UBOX5: variants seen among roughly 807,000 people sequenced by gnomAD.
UBOX5 encodes RING finger protein 37.
UBOX5 carries 28 observed loss-of-function variants against 39.0 expected under a neutral mutation model. The ratio of observed to expected loss-of-function variants is 0.72; its 90% CI spans 0.53 to 0.98. The LOEUF is 0.98. Among genes scored for constraint, UBOX5 ranks in the 50% least tolerant of loss-of-function variants. The pLI is 0.00. For missense variants in UBOX5, 585 were observed against 674.4 expected (o/e 0.87, Z 1.47); for synonymous variants, 283 against 275.5 (o/e 1.03, Z -0.27).
At chr20:3,128,503 G>C (rs544912145) in intron 1 of UBOX5, among the ~76,000 whole-genome samples, 2 of 152,286 alleles carry the variant, frequency 1.3e-5, no homozygotes, top group Non-Finnish European at 2.9e-5. Flanking sequence ...CCTGGGACTT[G>C]AGAGGGTTTT....
intron 1 of UBOX5, among the ~76,000 whole-genome samples, chr20:3,133,570 GAATAT>G (rs1203078589): frequency 1.3e-5 from 2 of 151,448 alleles, no homozygotes; most frequent in Non-Finnish European, 2.9e-5. Flanking sequence ...AAAAAAAAAA[GAATAT>G]AAAATAGTAG....
At chr20:3,126,054 C>T (rs1158899225) in intron 1 of UBOX5, among the ~76,000 whole-genome samples, 3 of 152,132 alleles carry the variant, frequency 2.0e-5, no homozygotes, top group Admixed American at 2.0e-4. Context: ...ATGACAATGG[C>T]GGTTTTGTCG....
At chr20:3,146,682 C>T (rs1373683600) in intron 1 of UBOX5, 19 of 1,431,760 alleles carry the variant, frequency 1.3e-5, no homozygotes, top group African/African-American at 5.7e-5. Context: ...ACTATTTTAT[C>T]GCCAAACTTA....
At chr20:3,112,461 C>A (rs1470212829) in intron 4 of UBOX5, among the ~76,000 whole-genome samples, 2 of 149,536 alleles carry the variant, frequency 1.3e-5, no homozygotes, top group African/African-American at 2.5e-5. Context: ...AAGGAAAAGA[C>A]AATTATTGTG....
intron 3 of UBOX5, among the ~76,000 whole-genome samples, chr20:3,120,520 C>T (rs1013968257): frequency 2.0e-5 from 3 of 149,600 alleles, no homozygotes; most frequent in African/African-American, 7.4e-5. Context: ...TGGTGGCGGG[C>T]GCCTAATCCC....
intron 2 of UBOX5, among the ~76,000 whole-genome samples, chr20:3,122,928 CA>C (rs55709925): frequency 1.4e-4 from 19 of 139,724 alleles, no homozygotes; most frequent in South Asian, 2.3e-4. Context: ...TTTTCCCTGC[CA>C]AAAAAAAAAG....
At chr20:3,133,113 T>C (rs1053431879) in intron 1 of UBOX5, among the ~76,000 whole-genome samples, 1 of 152,170 alleles carries the variant, frequency 6.6e-6, no homozygotes, top group African/African-American at 2.4e-5. Flanking sequence ...TAAAAATATC[T>C]TACAAATGAT....
intron 4 of UBOX5, chr20:3,110,679 G>GC: frequency 3.4e-6 from 1 of 296,266 alleles, no homozygotes; most frequent in Non-Finnish European, 6.6e-6. Context: ...AAGATAAACT[G>GC]CAAGAAATGT....
intron 4 of UBOX5, chr20:3,110,539 G>A (rs1199192892): frequency 2.8e-5 from 16 of 564,636 alleles, no homozygotes; most frequent in South Asian, 6.1e-5. Flanking sequence ...GTGCCTCTAC[G>A]AATGCTTGAG....
At chr20:3,145,846 G>A (rs1246523550) in intron 1 of UBOX5, among the ~76,000 whole-genome samples, 2 of 152,132 alleles carry the variant, frequency 1.3e-5, no homozygotes, top group Non-Finnish European at 2.9e-5. Flanking sequence ...AGGAGTGTGA[G>A]ACCAGCCTGA....
chr20:3,114,532 T>C (rs2066278422), intron 4 of UBOX5, among the ~76,000 whole-genome samples: 1 of 152,160 alleles, frequency 6.6e-6, no homozygotes, highest in Non-Finnish European at 1.5e-5. Context: ...GCCACTGCTC[T>C]TTCTAAGACA....
At chr20:3,159,403 T>C (rs547704412) in intron 1 of UBOX5, among the ~76,000 whole-genome samples, 1 of 152,284 alleles carries the variant, frequency 6.6e-6, no homozygotes, top group African/African-American at 2.4e-5. Context: ...TCAGAATCTC[T>C]AAGCGATTCG....
intron 1 of UBOX5, among the ~76,000 whole-genome samples, chr20:3,134,993 A>G (rs2066458719): frequency 6.6e-6 from 1 of 152,224 alleles, no homozygotes; most frequent in Non-Finnish European, 1.5e-5. Flanking sequence ...AATGGGTTAA[A>G]GAAAAGAAAT....
At chr20:3,151,775 A>G (rs1425104090) in intron 1 of UBOX5, 1 of 152,148 alleles carries the variant, frequency 6.6e-6, no homozygotes, top group Non-Finnish European at 1.5e-5. Flanking sequence ...AGGAAATCCA[A>G]TTAATACTAC....
rs147125058 is a variant in UBOX5 at position 3,146,795 on chromosome 20, A to G, written c.-42+12971T>C. 1,098 of 1,613,884 alleles carry G rather than the reference A, an allele frequency of 6.8e-4. 1 individual carries two copies. Among genetic ancestry groups the G allele is most frequent in the Non-Finnish European group, 9.0e-4 (1,066 of 1,179,928 alleles). Reference sequence around the variant, plus strand: ...TGCCCTTCAGAGAGCAGAGGTGAATACTTTCTCATGAAGAAACGCCAACTT... The same window carrying G: ...TGCCCTTCAGAGAGCAGAGGTGAATGCTTTCTCATGAAGAAACGCCAACTT... On this transcript the variant is annotated intron_variant, in intron 1 of 4. Transcript: ENST00000217173.
rs765108881 is a variant in UBOX5 at position 3,115,398 on chromosome 20, T to C, written c.1324A>G (p.Met442Val). The C allele has an allele frequency of 6.2e-6, 10 of 1,614,064 alleles. No individual in the cohort carries two copies. Among genetic ancestry groups the C allele is most frequent in the African/African-American group, 4.0e-5 (3 of 74,930 alleles). ...EIALASTLGS[M>V]PSFTARLTRG... ...GTCAGCCGTGCCGTGAAGGAGGGCA[T>C]AGAGCCAAGGGTGGATGCCAAGGCA... The change falls in exon 4 of 5, where the codon ATG becomes GTG. Residue 442 changes from methionine (M) to valine (V), a missense_variant. Physicochemically the swap from Met to Val is conservative, Grantham distance 21. Coordinates refer to ENST00000217173, the MANE Select transcript of UBOX5 (RefSeq NM_014948.4).
In UBOX5 at chr20:3,115,333, G is replaced by T; in HGVS notation, c.1389C>A (p.Asn463Lys). Residue 463 changes from asparagine to lysine, a missense_variant, in exon 4 of 5, where the codon AAC becomes AAA. Transcript: ENST00000217173. ...AGCCGGTGCCAGGCCTCCAGGAAGTGTTGCTCCCTCTTGTGCCAAGGTGCT... is the reference window on the plus strand; with the variant it reads ...AGCCGGTGCCAGGCCTCCAGGAAGTTTTGCTCCCTCTTGTGCCAAGGTGCT... ...QLQHLGTRGS[N>K]TSWRPGTGSE... The T allele has an allele frequency of 6.2e-7, 1 of 1,613,280 alleles. No homozygotes were observed. The highest frequency in any genetic ancestry group is 8.5e-7 in the Non-Finnish European group (1 of 1,179,616).
At chr20:3,141,251 T>A (rs2066515548) in intron 1 of UBOX5, among the ~76,000 whole-genome samples, 2 of 152,040 alleles carry the variant, frequency 1.3e-5, no homozygotes, top group Admixed American at 1.3e-4. Context: ...AAATAAAGAA[T>A]GTTCACTTAA....
chr20:3,139,106 G>A (rs1230544039), intron 1 of UBOX5, among the ~76,000 whole-genome samples: 1 of 152,158 alleles, frequency 6.6e-6, no homozygotes, highest in East Asian at 1.9e-4. Context: ...TTAAAGAAGT[G>A]CACTACTTCT....
Sources: allele counts gnomAD v4.1 joint callset (sites outside exome capture counted in the v4.1 genomes callset), GRCh38; gene constraint gnomAD v4.1.1; transcripts MANE v1.5; gene names NCBI Gene and HGNC (gene_info 2026-07-23, HGNC 2026-07-21).